The following USP26 variants were observed in gnomAD, a reference collection of about 807,000 sequenced individuals.
The protein encoded by USP26 is ubiquitin carboxyl-terminal hydrolase 26.
For missense variants in USP26, 649 were observed against 642.3 expected (o/e 1.01, Z -0.11); for synonymous variants, 236 against 240.6 (o/e 0.98, Z 0.18).
chrX:133,068,532 C>A (rs1602984423), intron 5 of USP26, among the ~76,000 whole-genome samples: 4 of 112,919 alleles, frequency 3.5e-5, no homozygotes, highest in East Asian at 2.7e-4. Flanking sequence ...AAATCAGAAG[C>A]CTCACCCTTC....
chrX:133,086,692 A>T (rs746009595), intron 4 of USP26, among the ~76,000 whole-genome samples: 1 of 110,417 alleles, frequency 9.1e-6, no homozygotes, highest in Non-Finnish European at 1.9e-5. Context: ...CGGGCGGATC[A>T]TTTGAGGTCA....
At chrX:133,071,267 A>G (rs2067529488) in intron 5 of USP26, among the ~76,000 whole-genome samples, 1 of 110,849 alleles carries the variant, frequency 9.0e-6, no homozygotes. Flanking sequence ...ATAAAAACTA[A>G]AACAAACACA....
chrX:133,081,920 G>C (rs907789230), intron 5 of USP26, among the ~76,000 whole-genome samples: 19 of 112,108 alleles, frequency 1.7e-4, no homozygotes, highest in Non-Finnish European at 3.6e-4. Context: ...ACATTCTAAA[G>C]CTGAAAGCCA....
chrX:133,028,626 T>G (rs777879541), intron 5 of USP26, among the ~76,000 whole-genome samples: 1 of 112,400 alleles, frequency 8.9e-6, no homozygotes, highest in African/African-American at 3.2e-5. Flanking sequence ...CCAACTTCAA[T>G]TGAAATCATG....
In USP26 at chrX:133,047,951, A is replaced by T. The variant is rs762765351; in HGVS notation, c.-76-19655T>A. ...TTGTTATAGCAGACCAAACAGACCA[A>T]GACAAAAAGCATGAACCTTGTACCC... is the stretch of plus-strand genomic sequence containing the variant. On this transcript the variant is annotated intron_variant, in intron 5 of 5. Coordinates refer to ENST00000511190, the MANE Select transcript of USP26 (RefSeq NM_031907.3). 4.5e-5 allele frequency among the ~76,000 whole-genome samples: 5 copies of T among 111,988 alleles called. No individual in the cohort carries two copies. The South Asian group carries it at 1.9e-3, about 42-fold the overall frequency.
At chrX:133,030,193 C>T (rs1014377397) in intron 5 of USP26, among the ~76,000 whole-genome samples, 2 of 111,191 alleles carry the variant, frequency 1.8e-5, no homozygotes, top group African/African-American at 6.5e-5. Context: ...TCTCATTTTA[C>T]CTACAAATTC....
chrX:133,089,004 A>C (rs2067598832), intron 4 of USP26, among the ~76,000 whole-genome samples: 2 of 110,088 alleles, frequency 1.8e-5, no homozygotes, highest in Non-Finnish European at 3.8e-5. Flanking sequence ...AAATAACAAC[A>C]ATGATTTCCA....
intron 4 of USP26, among the ~76,000 whole-genome samples, chrX:133,088,710 C>T (rs1186802501): frequency 1.8e-5 from 2 of 112,174 alleles, no homozygotes; most frequent in African/African-American, 6.5e-5. Flanking sequence ...TTTTGGATTC[C>T]TCTACCTTGT....
At chrX:133,056,800 G>A (rs774813834) in intron 5 of USP26, among the ~76,000 whole-genome samples, 12 of 111,532 alleles carry the variant, frequency 1.1e-4, no homozygotes, top group Non-Finnish European at 1.9e-4. Flanking sequence ...GAAAAATTTC[G>A]CTTAAATTCT....
chrX:133,090,877 T>A lies in USP26; in HGVS notation c.-301-114A>T, dbSNP rs781437782. On this transcript the variant is annotated intron_variant, in intron 2 of 5. Transcript: ENST00000511190. ...CCCAAATTCATTCATCCCACTGTAC[T>A]TCTTTTGTGTAACAAGACAGGAAAC... 1.2e-4 allele frequency: 14 copies of A among 112,582 alleles called. No individual in the cohort carries two copies. The East Asian group carries it at 3.9e-3, about 32-fold the overall frequency. 9.3% of individuals were successfully genotyped at this position (112,582 alleles called of 1,213,427 possible).
rs972461046 is a variant in USP26 at position 133,036,691 on chromosome X, C to T, written c.-76-8395G>A. Among the ~76,000 whole-genome samples the T allele has an allele frequency of 4.5e-5, 5 of 112,045 alleles. No homozygotes were observed. In the South Asian group the frequency reaches 1.1e-3, roughly 25 times the overall value. On this transcript the variant is annotated intron_variant, in intron 5 of 5. Coordinates refer to ENST00000511190, the MANE Select transcript of USP26 (RefSeq NM_031907.3). ...TGATTTATAATTCTTTGGGTCTATACCCAGTAATGGGATTGCCAGGTCAAA... is the reference window on the plus strand; with the variant it reads ...TGATTTATAATTCTTTGGGTCTATATCCAGTAATGGGATTGCCAGGTCAAA...
chrX:133,038,716 G>A (rs1397470404), intron 5 of USP26, among the ~76,000 whole-genome samples: 1 of 111,958 alleles, frequency 8.9e-6, no homozygotes, highest in African/African-American at 3.2e-5. Context: ...TCTATTGTTT[G>A]GAATAGTTTC....
In USP26 at chrX:133,042,683, G is replaced by A. The variant is rs746739684; in HGVS notation, c.-76-14387C>T. Among the ~76,000 whole-genome samples the A allele has an allele frequency of 7.1e-5, 8 of 112,078 alleles. No individual in the cohort carries two copies. The South Asian group carries it at 3.0e-3, about 42-fold the overall frequency. ...TCCAAGGAGCTCAATATTTATTTAA[G>A]TTTGTCAACAACAACAGAAAACCAA... On this transcript the variant is annotated intron_variant, in intron 5 of 5. Transcript: ENST00000511190.
chrX:133,095,101 A>AG, intron 1 of USP26, among the ~76,000 whole-genome samples: 1 of 103,371 alleles, frequency 9.7e-6, no homozygotes, highest in Non-Finnish European at 1.9e-5. Flanking sequence ...GTCAAAAAAA[A>AG]AAAAAAAAAA....
chrX:133,088,291 G>A (rs780607384), intron 4 of USP26, among the ~76,000 whole-genome samples: 1 of 111,521 alleles, frequency 9.0e-6, no homozygotes, highest in Non-Finnish European at 1.9e-5. Flanking sequence ...TCCACAGACC[G>A]GGGGTGGAGG....
intron 5 of USP26, among the ~76,000 whole-genome samples, chrX:133,042,252 G>C (rs750162261): frequency 9.0e-6 from 1 of 110,998 alleles, no homozygotes; most frequent in African/African-American, 3.3e-5. Flanking sequence ...GCACTGCTGG[G>C]GTATGAAATA....
At chrX:133,038,041 G>A (rs1178442440) in intron 5 of USP26, among the ~76,000 whole-genome samples, 1 of 111,611 alleles carries the variant, frequency 9.0e-6, no homozygotes, top group African/African-American at 3.3e-5. Context: ...TGCTGAAGTT[G>A]TTTATTAGCT....
Position 133,086,069 on chromosome X carries a change from T to A in USP26, c.-141-2298A>T, listed in dbSNP as rs1251787678. Among the ~76,000 whole-genome samples the A allele has an allele frequency of 2.7e-5, 3 of 111,247 alleles. No homozygotes were observed. In the East Asian group the frequency reaches 8.5e-4, roughly 31 times the overall value. On this transcript the variant is annotated intron_variant, in intron 4 of 5. Coordinates refer to ENST00000511190, the MANE Select transcript of USP26 (RefSeq NM_031907.3). The stretch of plus-strand genomic sequence containing the variant: ...TGCACCCTGAGCTGCTGGGATAAGA[T>A]CCAGCCACCTGTGACCGCTTGAAAC...
Position 133,025,301 on chromosome X carries a change from G to C in USP26, c.*178C>G, listed in dbSNP as rs2067340865. The C allele has an allele frequency of 1.5e-6, 1 of 650,768 alleles. No homozygotes were observed. Among genetic ancestry groups the C allele is most frequent in the Non-Finnish European group, 2.3e-6 (1 of 436,888 alleles). 53.6% of individuals were successfully genotyped at this position (650,768 alleles called of 1,213,427 possible). ...GCTCATCAGCCAGAGCTATGGGATT[G>C]AGGTGTCTGTGTCAGGATTAGAATG... On this transcript the variant is annotated 3_prime_UTR_variant, in exon 6 of 6. Coordinates refer to ENST00000511190, the MANE Select transcript of USP26 (RefSeq NM_031907.3).
Sources: allele counts gnomAD v4.1 joint callset (sites outside exome capture counted in the v4.1 genomes callset), GRCh38; gene constraint gnomAD v4.1.1; transcripts MANE v1.5; gene names NCBI Gene and HGNC (gene_info 2026-07-23, HGNC 2026-07-21).